GAS6: variants seen among roughly 807,000 people sequenced by gnomAD.
GAS6 encodes growth arrest specific 6.
GAS6 carries 41 observed loss-of-function variants against 75.8 expected under a neutral mutation model. The ratio of observed to expected loss-of-function variants is 0.54; its 90% CI spans 0.42 to 0.70. GAS6 has a LOEUF of 0.70. GAS6 is among the 30% of genes least tolerant of loss of function. GAS6 has a pLI of 0.00. For synonymous variants in GAS6, 432 were observed against 412.6 expected (o/e 1.05, Z -0.57); for missense variants, 854 against 940.2 (o/e 0.91, Z 1.20).
chr13:113,832,788 G>A (rs771679850), intron 8 of GAS6, 36 bp from the exon 9 acceptor site: 37 of 1,611,472 alleles, frequency 2.3e-5, no homozygotes, highest in Non-Finnish European at 2.9e-5. Context: ...TCGGGGATGT[G>A]GCCTTCACTC....
intron 3 of GAS6, 37 bp from the exon 4 acceptor site, chr13:113,846,626 A>T (rs751310244): frequency 6.4e-7 from 1 of 1,564,774 alleles, no homozygotes; most frequent in African/African-American, 1.4e-5. Flanking sequence ...AGTCATCCTT[A>T]CAAGACCGGA....
chr13:113,832,805 C>A, intron 8 of GAS6, 53 bp from the exon 9 acceptor site: 1 of 1,610,066 alleles, frequency 6.2e-7, no homozygotes. Context: ...ACTCCTGCTC[C>A]CCTGAGCCCC....
rs117482263 is a variant in GAS6 at position 113,834,740 on chromosome 13, C to A, written c.713-68G>T. 4.4e-6 allele frequency: 6 copies of A among 1,351,552 alleles called. No individual in the cohort carries two copies. The African/African-American group carries it at 7.4e-5, about 17-fold the overall frequency. The allele number at this position is 1,351,552 out of a possible 1,614,324, so 83.7% of individuals were successfully genotyped here. Reference sequence around the variant, plus strand: ...ACGCTGTCCCGCCGTGGGATCACACCGCGATTGCTCAAACCACACGCAAGG... The same window carrying A: ...ACGCTGTCCCGCCGTGGGATCACACAGCGATTGCTCAAACCACACGCAAGG... On this transcript the variant is annotated intron_variant, in intron 7 of 14. Transcript: ENST00000327773.
Position 113,822,199 on chromosome 13 carries a change from G to A in GAS6, c.1654-13C>T, listed in dbSNP as rs762493549. 23 of 1,520,230 alleles carry A rather than the reference G, an allele frequency of 1.5e-5. No individual in the cohort carries two copies. Among genetic ancestry groups the A allele is most frequent in the South Asian group, 1.0e-4 (8 of 79,234 alleles). 94.2% of individuals were successfully genotyped at this position (1,520,230 alleles called of 1,614,324 possible). A position where few individuals can be genotyped will look rare whatever the true frequency, so the allele number is the denominator to read the frequency against. On this transcript the variant is annotated splice_polypyrimidine_tract_variant and intron_variant, in intron 13 of 14. Transcript: ENST00000327773. ...CCAGGACCACCAGCTGCAGGAGACC[G>A]AGGTGTGGTCAGGGCCTGCCGGCCA...
chr13:113,857,918 C>T (rs936279754), intron 2 of GAS6, among the ~76,000 whole-genome samples: 2 of 152,230 alleles, frequency 1.3e-5, no homozygotes, highest in Non-Finnish European at 2.9e-5. Flanking sequence ...TGCACAGGTG[C>T]GGGCACAGGA....
chr13:113,827,334 A>G (rs1594190859), intron 11 of GAS6, among the ~76,000 whole-genome samples, 170 bp from the exon 12 acceptor site: 1 of 152,204 alleles, frequency 6.6e-6, no homozygotes, highest in East Asian at 1.9e-4. Flanking sequence ...CACTTTACAC[A>G]ACGCCTCACT....
chr13:113,830,825 C>T (rs1288910612), intron 10 of GAS6, among the ~76,000 whole-genome samples: 1 of 152,018 alleles, frequency 6.6e-6, no homozygotes, highest in Non-Finnish European at 1.5e-5. Context: ...CCCCAGGCGA[C>T]CTCGCCTCAG....
Position 113,831,104 on chromosome 13 carries a change from C to A in GAS6, c.1143+1195G>T, listed in dbSNP as rs550878293. ...GGTGAGGGAGGCCCAGCGCTGTGGG[C>A]GGGAGCCTGGTTGCTTACAGGCCCT... On this transcript the variant is annotated intron_variant, in intron 10 of 14. Transcript: ENST00000327773. 5.9e-5 allele frequency among the ~76,000 whole-genome samples: 9 copies of A among 152,356 alleles called. No individual in the cohort carries two copies. The South Asian group carries it at 1.7e-3, about 28-fold the overall frequency.
intron 2 of GAS6, among the ~76,000 whole-genome samples, chr13:113,861,676 G>A (rs955201719): frequency 4.6e-5 from 7 of 152,296 alleles, no homozygotes; most frequent in African/African-American, 1.7e-4. Context: ...AGCCGGCTGG[G>A]ACTCAAGCCA....
intron 10 of GAS6, 55 bp from the exon 11 acceptor site, chr13:113,828,766 C>G (rs2051586980): frequency 6.4e-7 from 1 of 1,573,424 alleles, no homozygotes; most frequent in Admixed American, 1.7e-5. Context: ...TGAAGGGGCT[C>G]CCAACTGAGA....
intron 10 of GAS6, among the ~76,000 whole-genome samples, chr13:113,831,730 A>G (rs2051632802): frequency 6.6e-6 from 1 of 151,994 alleles, no homozygotes; most frequent in Non-Finnish European, 1.5e-5. Context: ...CAGAGCATGA[A>G]CTAAACGGGG....
chr13:113,822,338 A>G (rs2051472255), intron 13 of GAS6, 152 bp from the exon 14 acceptor site: 1 of 550,374 alleles, frequency 1.8e-6, no homozygotes, highest in African/African-American at 1.9e-5. Flanking sequence ...ATGCTCGCTG[A>G]CTGTGGATGA....
intron 11 of GAS6, among the ~76,000 whole-genome samples, chr13:113,828,071 C>G (rs113129392): frequency 1.3e-5 from 2 of 152,098 alleles, no homozygotes; most frequent in South Asian, 2.1e-4. Flanking sequence ...GTCAGAAGAT[C>G]GAGACCACGG....
chr13:113,856,786 G>A (rs1205974817), intron 2 of GAS6, among the ~76,000 whole-genome samples: 3 of 152,234 alleles, frequency 2.0e-5, no homozygotes, highest in Admixed American at 1.3e-4. Flanking sequence ...TCCCGCGTCC[G>A]GGCTGCCCTC....
chr13:113,829,140 CT>C (rs2051593330), intron 10 of GAS6, among the ~76,000 whole-genome samples: 2 of 101,820 alleles, frequency 2.0e-5, no homozygotes. Flanking sequence ...GGGTCCCGAC[CT>C]CAGGGAGACC....
intron 4 of GAS6, chr13:113,840,053 C>A: frequency 1.5e-6 from 1 of 659,642 alleles, no homozygotes. Flanking sequence ...CTGGGGCCGG[C>A]TCCAGGAAAA....
At position 113,821,851 on chromosome 13, in the gene GAS6, C is replaced by A. The variant is rs192668475; in HGVS notation, c.1882+107G>T. 1.5e-3 allele frequency: 1,324 copies of A among 855,546 alleles called. 2 individuals carry two copies. Among genetic ancestry groups the A allele is most frequent in the Non-Finnish European group, 2.0e-3 (1,166 of 573,604 alleles). The allele number at this position is 855,546 out of a possible 1,614,324, so 53.0% of individuals were successfully genotyped here. ...TCCTCTTAAAACACAAGTCCTCTTC[C>A]GCATTCACTACCAGAAACCCCAGCC... On this transcript the variant is annotated intron_variant, in intron 14 of 14. Coordinates refer to ENST00000327773, the MANE Select transcript of GAS6 (RefSeq NM_000820.4).
At chr13:113,826,228 T>TCCCA (rs2051536563) in intron 12 of GAS6, among the ~76,000 whole-genome samples, 1 of 152,172 alleles carries the variant, frequency 6.6e-6, no homozygotes, top group Non-Finnish European at 1.5e-5. Flanking sequence ...TTCACGGCTG[T>TCCCA]TTTTACACAC....
intron 5 of GAS6, 83 bp from the exon 6 acceptor site, chr13:113,838,274 G>T: frequency 1.3e-6 from 2 of 1,553,316 alleles, no homozygotes. Context: ...GAGGTGCACA[G>T]CCCAGCCCTG....
Sources: gnomAD v4.1 joint callset for allele counts (sites outside exome capture counted in the v4.1 genomes callset) on GRCh38, gnomAD v4.1.1 for gene constraint, MANE v1.5 for transcripts, NCBI Gene and HGNC (gene_info 2026-07-23, HGNC 2026-07-21) for gene names.